ZDHHC20: variants seen among roughly 807,000 people sequenced by gnomAD.
ZDHHC20 encodes palmitoyltransferase ZDHHC20.
In ZDHHC20, 43 loss-of-function variants were observed where a neutral mutation model predicts 57.8. That is an observed-to-expected ratio of 0.74 (90% CI 0.58 to 0.96). ZDHHC20 has a LOEUF of 0.96. Ranked by LOEUF, ZDHHC20 falls within the 40% of genes least tolerant of loss-of-function variation. The pLI, the probability that ZDHHC20 is intolerant of heterozygous loss-of-function variation, is 0.00. For missense variants in ZDHHC20, 391 were observed against 441.1 expected, an observed-to-expected ratio of 0.89 and a Z score of 1.02; for synonymous variants, 157 against 153.0, an observed-to-expected ratio of 1.03 and a Z score of -0.19.
chr13:21,437,406 A>G (rs1260796757), intron 1 of ZDHHC20, among the ~76,000 whole-genome samples: 2 of 152,236 alleles, frequency 1.3e-5, no homozygotes, highest in African/African-American at 2.4e-5. Flanking sequence ...CAGTGGCTAC[A>G]CTAAATAACA....
In ZDHHC20 at chr13:21,391,864, AAAAG is replaced by A; in HGVS notation, c.595-14_595-11del. On this transcript the variant is annotated splice_polypyrimidine_tract_variant and intron_variant, in intron 7 of 12. Transcript: ENST00000400590. ...TATCTGTCAGTTCATTCTGAGGAAA[AAAAG>A]AAGTTAATTTTGAGGTCAACCTCTA... 2.5e-6 allele frequency: 4 copies of A among 1,605,044 alleles called. No homozygotes were observed. The highest frequency in any genetic ancestry group is 1.7e-4 in the Middle Eastern group (1 of 6,042).
intron 11 of ZDHHC20, 105 bp downstream of exon 11, chr13:21,381,329 T>C (rs1873370603): frequency 1.0e-6 from 1 of 955,950 alleles, no homozygotes; most frequent in Admixed American, 2.5e-5. Context: ...TTCACATATT[T>C]TAGTATTTTT....
At chr13:21,422,907 C>A (rs2137913637) in intron 2 of ZDHHC20, among the ~76,000 whole-genome samples, 1 of 152,226 alleles carries the variant, frequency 6.6e-6, no homozygotes, top group South Asian at 2.1e-4. Context: ...TATAGGTACT[C>A]AAATCACCAT....
At chr13:21,450,460 T>G (rs1884336888) in intron 1 of ZDHHC20, among the ~76,000 whole-genome samples, 1 of 152,198 alleles carries the variant, frequency 6.6e-6, no homozygotes. Context: ...AGATCTTTTT[T>G]TTCATTTGAT....
chr13:21,422,570 T>C (rs1225291193), intron 2 of ZDHHC20, among the ~76,000 whole-genome samples: 1 of 152,196 alleles, frequency 6.6e-6, no homozygotes, highest in Non-Finnish European at 1.5e-5. Flanking sequence ...TCTCACAGCT[T>C]ATCAGTACAA....
intron 1 of ZDHHC20, among the ~76,000 whole-genome samples, chr13:21,428,533 T>C (rs1305695103): frequency 3.3e-5 from 5 of 151,902 alleles, no homozygotes; most frequent in African/African-American, 1.2e-4. Context: ...ACTATGTTTT[T>C]TAAAAATTCT....
At chr13:21,414,391 T>C (rs886271525) in intron 3 of ZDHHC20, among the ~76,000 whole-genome samples, 40 of 151,652 alleles carry the variant, frequency 2.6e-4, no homozygotes, top group Middle Eastern at 3.4e-3. Flanking sequence ...GACGGAGTCT[T>C]GCTCTGTCGC....
chr13:21,421,995 T>C (rs538544008), intron 2 of ZDHHC20, among the ~76,000 whole-genome samples: 1 of 152,284 alleles, frequency 6.6e-6, no homozygotes, highest in African/African-American at 2.4e-5. Context: ...CATATTGCAC[T>C]CTCCAAATAA....
At chr13:21,406,894 C>G (rs1878521832) in intron 4 of ZDHHC20, among the ~76,000 whole-genome samples, 1 of 152,114 alleles carries the variant, frequency 6.6e-6, no homozygotes, top group African/African-American at 2.4e-5. Flanking sequence ...TGGGTATATA[C>G]CCAGTAATAG....
chr13:21,431,156 C>CA (rs1881872279), intron 1 of ZDHHC20, among the ~76,000 whole-genome samples: 1 of 152,172 alleles, frequency 6.6e-6, no homozygotes, highest in East Asian at 1.9e-4. Flanking sequence ...AAGACATACC[C>CA]AAGACTAGGA....
chr13:21,427,841 AAAAAAAAAAAAAAACC>A (rs1383778198), intron 1 of ZDHHC20, among the ~76,000 whole-genome samples: 8 of 151,606 alleles, frequency 5.3e-5, no homozygotes, highest in Non-Finnish European at 1.0e-4. Context: ...TTTCAAAAAA[AAAAAAAAAAAAAAACC>A]AAACCAACAA....
chr13:21,397,660 C>CA (rs1410730467), intron 7 of ZDHHC20, among the ~76,000 whole-genome samples: 3 of 151,676 alleles, frequency 2.0e-5, no homozygotes, highest in African/African-American at 7.3e-5. Flanking sequence ...GACCCTATCT[C>CA]AAAAAACAAA....
Position 21,372,982 on chromosome 13 carries a change from T to TA in ZDHHC20, c.*3713dup, listed in dbSNP as rs1259568169. 2 of 152,158 alleles carry TA rather than the reference T, an allele frequency of 1.3e-5. No homozygotes were observed. Among genetic ancestry groups the TA allele is most frequent in the Non-Finnish European group, 2.9e-5 (2 of 67,998 alleles). 9.4% of individuals were successfully genotyped at this position (152,158 alleles called of 1,614,324 possible). On this transcript the variant is annotated 3_prime_UTR_variant, in exon 13 of 13. Coordinates refer to ENST00000400590, the MANE Select transcript of ZDHHC20 (RefSeq NM_001330059.2). ...ATATAGAATGAAGTCATTAGAAAAA[T>TA]ATGAACCTTTCTGAATCTATATTAC... is the stretch of plus-strand genomic sequence containing the variant.
chr13:21,397,866 T>C (rs1278715557), intron 7 of ZDHHC20, among the ~76,000 whole-genome samples: 2 of 151,928 alleles, frequency 1.3e-5, no homozygotes, highest in South Asian at 4.2e-4. Context: ...GGATTGTACT[T>C]AAGAAAGGAG....
chr13:21,388,159 G>A (rs532021346), intron 8 of ZDHHC20, among the ~76,000 whole-genome samples: 6 of 152,278 alleles, frequency 3.9e-5, no homozygotes, highest in African/African-American at 1.4e-4. Flanking sequence ...GTGTGCCTCG[G>A]GGGTGCTTGT....
chr13:21,400,430 TAGGG>T lies in ZDHHC20; in HGVS notation c.533_536del (p.Ser178TyrfsTer12). 1 of 1,602,292 alleles carries T rather than the reference TAGGG, an allele frequency of 6.2e-7. No homozygotes were observed. The highest frequency in any genetic ancestry group is 1.1e-5 in the South Asian group (1 of 87,592). On this transcript the variant is annotated frameshift_variant, in exon 7 of 13. Coordinates refer to ENST00000400590, the MANE Select transcript of ZDHHC20 (RefSeq NM_001330059.2). LOFTEE classifies it high-confidence loss of function. The stretch of plus-strand genomic sequence containing the variant: ...TTGCAGCCACGAAAAGGCAATATAA[TAGGG>T]AATACAATAAAAACAGCAGGAAGAA...
intron 10 of ZDHHC20, 70 bp downstream of exon 10, chr13:21,382,850 T>C: frequency 8.1e-7 from 1 of 1,240,046 alleles, no homozygotes; most frequent in Non-Finnish European, 1.2e-6. Context: ...ACTCATAAGA[T>C]GTACACACAA....
chr13:21,410,697 A>G (rs1879080020), intron 4 of ZDHHC20, among the ~76,000 whole-genome samples: 1 of 152,200 alleles, frequency 6.6e-6, no homozygotes, highest in Non-Finnish European at 1.5e-5. Flanking sequence ...CAGTAATGGC[A>G]GAAGCCCCTC....
In ZDHHC20 at chr13:21,374,557, C is replaced by T. The variant is rs565716296; in HGVS notation, c.*2139G>A. ...GCAATAATTGGTATCTCTTAAATCTCATTCTAGTTTGCTAGAATCAAGATT... is the reference window on the plus strand; with the variant it reads ...GCAATAATTGGTATCTCTTAAATCTTATTCTAGTTTGCTAGAATCAAGATT... On this transcript the variant is annotated 3_prime_UTR_variant, in exon 13 of 13. Coordinates refer to ENST00000400590, the MANE Select transcript of ZDHHC20 (RefSeq NM_001330059.2). 3.0e-6 allele frequency: 1 copy of T among 330,628 alleles called. No homozygotes were observed. Among genetic ancestry groups the T allele is most frequent in the East Asian group, 7.8e-5 (1 of 12,760 alleles). The allele number at this position is 330,628 out of a possible 1,614,324, so 20.5% of individuals were successfully genotyped here.
Sources: allele counts gnomAD v4.1 joint callset (sites outside exome capture counted in the v4.1 genomes callset), GRCh38; gene constraint gnomAD v4.1.1; transcripts MANE v1.5; gene names NCBI Gene and HGNC (gene_info 2026-07-23, HGNC 2026-07-21).